ZNF385D: variants seen among roughly 807,000 people sequenced by gnomAD.
ZNF385D encodes zinc finger protein 385D.
Under a neutral mutation model 35.8 loss-of-function variants are expected in ZNF385D, and 15 were observed. The observed-to-expected ratio is 0.42, with a 90% CI of 0.28 to 0.64. The LOEUF (loss-of-function observed/expected upper bound fraction) is 0.64. Ranked by LOEUF, ZNF385D falls within the 30% of genes least tolerant of loss-of-function variation. ZNF385D has a pLI of 0.23. For synonymous variants in ZNF385D, 212 were observed against 186.8 expected (o/e 1.13, Z -1.10); for missense variants, 474 against 494.6 (o/e 0.96, Z 0.39).
chr3:21,619,242 C>T (rs1468689037), intron 2 of ZNF385D, among the ~76,000 whole-genome samples: 1 of 152,084 alleles, frequency 6.6e-6, no homozygotes, highest in Non-Finnish European at 1.5e-5. Context: ...GAGATTTGTT[C>T]TCTCATCTCC....
At chr3:21,645,780 C>G (rs2065733695) in intron 2 of ZNF385D, among the ~76,000 whole-genome samples, 1 of 152,108 alleles carries the variant, frequency 6.6e-6, no homozygotes, top group South Asian at 2.1e-4. Context: ...ATGACTTCAT[C>G]CAACTAGATA....
intron 2 of ZNF385D, among the ~76,000 whole-genome samples, chr3:21,586,038 CAT>C (rs67823841): frequency 0.36 from 30,531 of 84,734 alleles, 3,825 homozygotes; most frequent in Middle Eastern, 0.46. Flanking sequence ...AATACAAATA[CAT>C]ACACACACAC....
At chr3:21,727,817 T>C (rs1324571944) in intron 1 of ZNF385D, among the ~76,000 whole-genome samples, 1 of 152,224 alleles carries the variant, frequency 6.6e-6, no homozygotes, top group Admixed American at 6.5e-5. Context: ...TTATTGGGTA[T>C]ATACCCCAAG....
Position 21,710,984 on chromosome 3 carries a change from T to C in ZNF385D, c.22+39911A>G, listed in dbSNP as rs1226239900. On this transcript the variant is annotated intron_variant, in intron 1 of 7. Transcript: ENST00000281523. ...TTCCTCTATCATAGCGATGTGACTT[T>C]TGTCTTTGAGCAACTTAAACCTCTC... Among the ~76,000 whole-genome samples, 4 of 151,460 alleles carry C rather than the reference T, an allele frequency of 2.6e-5. No individual in the cohort carries two copies. In the East Asian group the frequency reaches 5.8e-4, roughly 22 times the overall value.
chr3:21,885,220 T>A (rs772812747), intron 3 of ZNF385D, among the ~76,000 whole-genome samples: 3 of 152,082 alleles, frequency 2.0e-5, no homozygotes, highest in Non-Finnish European at 4.4e-5. Flanking sequence ...CTAAAATTAT[T>A]ATCCAATTCA....
intron 3 of ZNF385D, among the ~76,000 whole-genome samples, chr3:22,134,796 A>G (rs1055918300): frequency 6.6e-6 from 1 of 152,108 alleles, no homozygotes; most frequent in Non-Finnish European, 1.5e-5. Context: ...GTAGAAGGAC[A>G]AGAGAGAGAG....
chr3:22,334,339 A>G (rs1695070298), intron 2 of ZNF385D, among the ~76,000 whole-genome samples: 1 of 152,200 alleles, frequency 6.6e-6, no homozygotes, highest in South Asian at 2.1e-4. Flanking sequence ...CAAATTAGAT[A>G]GTATTGACTT....
intron 2 of ZNF385D, among the ~76,000 whole-genome samples, chr3:22,286,271 T>G (rs1020703641): frequency 6.6e-6 from 1 of 152,146 alleles, no homozygotes; most frequent in Non-Finnish European, 1.5e-5. Context: ...CGCGCCCTCA[T>G]GCAAAGCGTA....
intron 3 of ZNF385D, among the ~76,000 whole-genome samples, chr3:22,108,002 T>C (rs1576333444): frequency 6.6e-6 from 1 of 151,748 alleles, no homozygotes; most frequent in Admixed American, 6.6e-5. Flanking sequence ...CCTGCCCTTC[T>C]GCCTTATACC....
chr3:21,713,613 T>C (rs933812496), intron 1 of ZNF385D, among the ~76,000 whole-genome samples: 41 of 152,278 alleles, frequency 2.7e-4, no homozygotes, highest in African/African-American at 9.4e-4. Context: ...GTTATAGCAC[T>C]TCGTTCCCTA....
chr3:21,984,165 T>A lies in ZNF385D; in HGVS notation c.325+184652A>T, dbSNP rs1466797311. Reference sequence around the variant, plus strand: ...CTTTTGCTGTGCAGAAGCTCTTTAGTTTAATTAGATCCCATTTGTCAATTT... The same window carrying A: ...CTTTTGCTGTGCAGAAGCTCTTTAGATTAATTAGATCCCATTTGTCAATTT... On this transcript the variant is annotated intron_variant, in intron 3 of 5. Coordinates refer to the ZNF385D transcript ENST00000494108. Among the ~76,000 whole-genome samples the A allele has an allele frequency of 4.3e-4, 58 of 134,564 alleles. 1 individual carries two copies. The highest frequency in any genetic ancestry group is 7.0e-4 in the Non-Finnish European group (47 of 66,718). The allele number at this position is 134,564 out of a possible 152,430, so 88.3% of individuals were successfully genotyped here.
intron 3 of ZNF385D, among the ~76,000 whole-genome samples, chr3:21,996,962 T>C (rs1416654083): frequency 2.6e-5 from 4 of 152,204 alleles, no homozygotes; most frequent in Admixed American, 6.5e-5. Flanking sequence ...AATATAAATA[T>C]AAACCAAATC....
Position 21,882,444 on chromosome 3 carries a change from G to A in ZNF385D, c.326-217416C>T, listed in dbSNP as rs146209990. On this transcript the variant is annotated intron_variant, in intron 3 of 5. Transcript: ENST00000494108. ...TATAAAACATTGTTGTTTTATACAT[G>A]ATGCTATTGCAAACTTAATAGACTA... Among the ~76,000 whole-genome samples, 325 of 151,988 alleles carry A rather than the reference G, an allele frequency of 2.1e-3. 2 individuals are homozygous for A. Among genetic ancestry groups the A allele is most frequent in the Non-Finnish European group, 4.1e-3 (278 of 67,932 alleles).
intron 3 of ZNF385D, among the ~76,000 whole-genome samples, chr3:21,977,050 T>C (rs983462873): frequency 1.3e-5 from 2 of 152,128 alleles, no homozygotes; most frequent in Non-Finnish European, 1.5e-5. Flanking sequence ...GAATCAAACA[T>C]GGTATTGTAC....
Position 21,913,872 on chromosome 3 carries a change from T to C in ZNF385D, c.326-248844A>G, listed in dbSNP as rs1700076395. Among the ~76,000 whole-genome samples, 4 of 152,114 alleles carry C rather than the reference T, an allele frequency of 2.6e-5. No homozygotes were observed. In the South Asian group the frequency reaches 8.3e-4, roughly 31 times the overall value. Reference sequence around the variant, plus strand: ...GTCTAGATTTCCTCATCAGTAGTTGTTAAAATTAGGCAAGGATTTGTTGGT... The same window carrying C: ...GTCTAGATTTCCTCATCAGTAGTTGCTAAAATTAGGCAAGGATTTGTTGGT... On this transcript the variant is annotated intron_variant, in intron 3 of 5. Coordinates refer to the ZNF385D transcript ENST00000494108.
At chr3:21,870,464 C>A (rs1349489118) in intron 3 of ZNF385D, among the ~76,000 whole-genome samples, 1 of 152,110 alleles carries the variant, frequency 6.6e-6, no homozygotes, top group African/African-American at 2.4e-5. Flanking sequence ...TCAATCCTTG[C>A]GGCTACTTAT....
At chr3:21,798,646 T>C (rs906961924) in intron 3 of ZNF385D, among the ~76,000 whole-genome samples, 1 of 152,170 alleles carries the variant, frequency 6.6e-6, no homozygotes, top group African/African-American at 2.4e-5. Context: ...TTTTTTCATC[T>C]ATGCCACATA....
rs111727190 is a variant in ZNF385D, at chr3:22,278,194, G to C, written c.106+94256C>G. On this transcript the variant is annotated intron_variant, in intron 2 of 5. Transcript: ENST00000494108. ...AGAAGAGAGGCATTTAATACGTTAA[G>C]TTTAAAAAGAATGCAACTATAAATG... Among the ~76,000 whole-genome samples, 1,459 of 152,168 alleles carry C rather than the reference G, an allele frequency of 9.6e-3. 24 individuals carry two copies. The highest frequency in any genetic ancestry group is 0.034 in the African/African-American group (1,402 of 41,532).
intron 3 of ZNF385D, among the ~76,000 whole-genome samples, chr3:21,817,071 C>A (rs1163594825): frequency 6.6e-6 from 1 of 152,080 alleles, no homozygotes; most frequent in African/African-American, 2.4e-5. Context: ...CTGACAAAAA[C>A]AAGAAATGGG....
Sources: allele counts gnomAD v4.1 joint callset (sites outside exome capture counted in the v4.1 genomes callset), GRCh38; gene constraint gnomAD v4.1.1; transcripts MANE v1.5; gene names NCBI Gene and HGNC (gene_info 2026-07-23, HGNC 2026-07-21).